The following FYN variants were observed in gnomAD, a reference collection of about 807,000 sequenced individuals.
FYN encodes tyrosine-protein kinase Fyn.
A neutral mutation model predicts 70.2 loss-of-function variants in FYN; 10 were observed. The observed-to-expected ratio is 0.14, with a 90% CI of 0.09 to 0.24. The LOEUF is 0.24. Among genes scored for constraint, FYN ranks in the 10% least tolerant of loss-of-function variants. The pLI, the probability that FYN is intolerant of heterozygous loss-of-function variation, is 1.00. For missense variants in FYN, 319 were observed against 673.1 expected (o/e 0.47, Z 5.82); for synonymous variants, 236 against 248.6 (o/e 0.95, Z 0.48).
At chr6:111,744,316 G>A (rs1802112768) in intron 3 of FYN, among the ~76,000 whole-genome samples, 1 of 152,202 alleles carries the variant, frequency 6.6e-6, no homozygotes, top group African/African-American at 2.4e-5. Flanking sequence ...ATTTCTCTCT[G>A]GATGGACAGT....
At chr6:111,783,292 C>T (rs1435392048) in intron 2 of FYN, among the ~76,000 whole-genome samples, 1 of 152,184 alleles carries the variant, frequency 6.6e-6, no homozygotes, top group Admixed American at 6.5e-5. Context: ...AATATCATGA[C>T]AAGTGACTCT....
chr6:111,820,520 A>C (rs1198208378), intron 2 of FYN, among the ~76,000 whole-genome samples: 4 of 152,160 alleles, frequency 2.6e-5, no homozygotes, highest in African/African-American at 9.7e-5. Flanking sequence ...TAAAAATTAT[A>C]CTAATATGTT....
intron 2 of FYN, among the ~76,000 whole-genome samples, chr6:111,821,950 G>A (rs1310196977): frequency 7.0e-6 from 1 of 142,306 alleles, no homozygotes; most frequent in Non-Finnish European, 1.5e-5. Flanking sequence ...ACACCAGTCA[G>A]AATGGTGATC....
At chr6:111,854,949 G>A (rs187900869) in intron 1 of FYN, among the ~76,000 whole-genome samples, 10 of 152,334 alleles carry the variant, frequency 6.6e-5, no homozygotes, top group Admixed American at 5.9e-4. Flanking sequence ...ATACGCAGCT[G>A]CAGAAGGTTT....
chr6:111,853,976 T>C (rs1184670702), intron 1 of FYN, among the ~76,000 whole-genome samples: 1 of 152,226 alleles, frequency 6.6e-6, no homozygotes, highest in Non-Finnish European at 1.5e-5. Context: ...GGAAAGCAGA[T>C]GGAGAAATGT....
intron 2 of FYN, among the ~76,000 whole-genome samples, chr6:111,784,341 A>C (rs1372483728): frequency 6.6e-6 from 1 of 152,202 alleles, no homozygotes; most frequent in East Asian, 1.9e-4. Context: ...GTCTCCAACA[A>C]AGCATTATAA....
chr6:111,852,724 A>C (rs1773718012), intron 1 of FYN, among the ~76,000 whole-genome samples: 1 of 152,156 alleles, frequency 6.6e-6, no homozygotes, highest in Non-Finnish European at 1.5e-5. Flanking sequence ...GGTTTTCCTA[A>C]ACAAGAAGCC....
intron 2 of FYN, among the ~76,000 whole-genome samples, chr6:111,842,261 T>C (rs753199777): frequency 6.6e-6 from 1 of 152,172 alleles, no homozygotes; most frequent in African/African-American, 2.4e-5. Context: ...CAGCCTGTAG[T>C]ACATGTATCA....
intron 2 of FYN, among the ~76,000 whole-genome samples, chr6:111,792,912 C>T (rs1482660399): frequency 6.6e-6 from 1 of 152,140 alleles, no homozygotes; most frequent in African/African-American, 2.4e-5. Context: ...TGAGGGGACT[C>T]CTAGTGTTTA....
intron 7 of FYN, among the ~76,000 whole-genome samples, chr6:111,703,438 G>T (rs919522912): frequency 6.6e-6 from 1 of 152,182 alleles, no homozygotes; most frequent in Non-Finnish European, 1.5e-5. Context: ...ATGTGCAAAA[G>T]AAATCTAAGG....
chr6:111,749,066 A>G (rs1419621959), intron 3 of FYN, among the ~76,000 whole-genome samples: 3 of 152,180 alleles, frequency 2.0e-5, no homozygotes, highest in Admixed American at 1.3e-4. Flanking sequence ...CTGGTTACCT[A>G]AGGTAAACCA....
intron 3 of FYN, among the ~76,000 whole-genome samples, chr6:111,772,427 C>A (rs1342556563): frequency 6.6e-6 from 1 of 152,186 alleles, no homozygotes; most frequent in African/African-American, 2.4e-5. Context: ...AGGATGTTCA[C>A]AAATGACCCA....
rs1229918490 is a variant in FYN at position 111,761,571 on chromosome 6, T to C, written c.-12+18995A>G. ...ATGCCTTGGTTTCCTGGTGTGACCA[T>C]AGTTTTATAATTTGTGGGGACCCTG... On this transcript the variant is annotated intron_variant, in intron 3 of 13. Coordinates refer to ENST00000354650, the MANE Select transcript of FYN (RefSeq NM_002037.5). Among the ~76,000 whole-genome samples the C allele has an allele frequency of 2.6e-5, 4 of 152,322 alleles. No homozygotes were observed. The South Asian group carries it at 6.2e-4, about 24-fold the overall frequency.
intron 1 of FYN, among the ~76,000 whole-genome samples, chr6:111,858,113 G>C (rs1222906294): frequency 1.3e-5 from 2 of 152,122 alleles, no homozygotes; most frequent in African/African-American, 2.4e-5. Flanking sequence ...AGGACTGTCG[G>C]GATTTCCCCA....
chr6:111,749,588 T>A (rs1802395294), intron 3 of FYN, among the ~76,000 whole-genome samples: 1 of 152,216 alleles, frequency 6.6e-6, no homozygotes, highest in Non-Finnish European at 1.5e-5. Flanking sequence ...TAGTTCAGGT[T>A]CTACCCTATT....
intron 13 of FYN, among the ~76,000 whole-genome samples, chr6:111,673,450 G>A (rs1798387740): frequency 6.6e-6 from 1 of 152,030 alleles, no homozygotes; most frequent in Non-Finnish European, 1.5e-5. Flanking sequence ...ATCTTGATGT[G>A]CCCCTCTCTG....
intron 3 of FYN, among the ~76,000 whole-genome samples, chr6:111,748,729 A>C (rs1462805525): frequency 6.6e-6 from 1 of 152,220 alleles, no homozygotes; most frequent in African/African-American, 2.4e-5. Context: ...ATGTTTAATA[A>C]ATTTTAAAAT....
intron 13 of FYN, among the ~76,000 whole-genome samples, chr6:111,664,808 C>G (rs946037280): frequency 1.3e-5 from 2 of 152,210 alleles, no homozygotes; most frequent in African/African-American, 4.8e-5. Flanking sequence ...GAAAACAATT[C>G]CACGCACTGG....
chr6:111,828,178 G>A (rs1772899148), intron 2 of FYN, among the ~76,000 whole-genome samples: 1 of 152,150 alleles, frequency 6.6e-6, no homozygotes, highest in South Asian at 2.1e-4. Context: ...CCAGCATCCT[G>A]AGGTTTCTGG....
Sources: gnomAD v4.1 joint callset for allele counts (sites outside exome capture counted in the v4.1 genomes callset) on GRCh38, gnomAD v4.1.1 for gene constraint, MANE v1.5 for transcripts, NCBI Gene and HGNC (gene_info 2026-07-23, HGNC 2026-07-21) for gene names.